The following CACNA1B variants were observed in gnomAD, a reference collection of about 807,000 sequenced individuals.
CACNA1B encodes voltage-dependent N-type calcium channel subunit alpha-1B.
A neutral mutation model predicts 247.2 loss-of-function variants in CACNA1B; 70 were observed. The observed-to-expected ratio is 0.28, with a 90% CI of 0.23 to 0.35. CACNA1B has a LOEUF of 0.35. Ranked by LOEUF, CACNA1B falls within the 10% of genes least tolerant of loss-of-function variation. CACNA1B has a pLI of 1.00. For missense variants in CACNA1B, 2,367 were observed against 3,197.4 expected, an observed-to-expected ratio of 0.74 and a Z score of 6.26; for synonymous variants, 1,231 against 1,294.4, an observed-to-expected ratio of 0.95 and a Z score of 1.05.
intron 31 of CACNA1B, chr9:138,068,741 T>C (rs879883488): frequency 1.8e-5 from 8 of 449,500 alleles, no homozygotes; most frequent in Non-Finnish European, 3.1e-5. Flanking sequence ...AACTGCTGAC[T>C]GCTGAGAGGG....
chr9:138,097,465 C>G (rs1658398544), intron 37 of CACNA1B, among the ~76,000 whole-genome samples: 1 of 152,210 alleles, frequency 6.6e-6, no homozygotes, highest in African/African-American at 2.4e-5. Flanking sequence ...CCTTCCATCA[C>G]TCGTTCCTCA....
intron 15 of CACNA1B, among the ~76,000 whole-genome samples, chr9:137,992,479 A>G (rs1958442723): frequency 6.6e-6 from 1 of 152,224 alleles, no homozygotes; most frequent in Non-Finnish European, 1.5e-5. Context: ...AGACGGCAAC[A>G]CAGTAATAGC....
At position 137,888,679 on chromosome 9, in the gene CACNA1B, G is replaced by A. The variant is rs1957052381; in HGVS notation, c.530+5796G>A. Among the ~76,000 whole-genome samples the A allele has an allele frequency of 2.0e-5, 3 of 152,220 alleles. No individual in the cohort carries two copies. Among genetic ancestry groups the A allele is most frequent in the Admixed American group, 6.5e-5 (1 of 15,292 alleles). On this transcript the variant is annotated intron_variant, in intron 3 of 46. Coordinates refer to ENST00000371372, the MANE Select transcript of CACNA1B (RefSeq NM_000718.4). This position sits in a 1 kb window ranked among gnomAD's most constrained non-coding sequence, Gnocchi z 4.7. The stretch of plus-strand genomic sequence containing the variant: ...GCCTCCTGTGGGTTGAAGAGAGGGT[G>A]TGTGGGTGTGTGGCCGCTGCACCAG...
At chr9:137,940,295 T>A (rs955838949) in intron 6 of CACNA1B, among the ~76,000 whole-genome samples, 1 of 152,166 alleles carries the variant, frequency 6.6e-6, no homozygotes, top group Non-Finnish European at 1.5e-5. Flanking sequence ...TGAACACCTT[T>A]ACCCATGTAA....
chr9:137,892,524 C>T (rs934496666), intron 3 of CACNA1B: 6 of 371,778 alleles, frequency 1.6e-5, no homozygotes, highest in South Asian at 1.2e-4. Flanking sequence ...GGTCCTTTCT[C>T]ACGCTTCTCT....
intron 12 of CACNA1B, among the ~76,000 whole-genome samples, chr9:137,977,790 G>A (rs577426888): frequency 1.4e-4 from 22 of 152,142 alleles, no homozygotes; most frequent in Admixed American, 4.6e-4. Flanking sequence ...AAGCCCTCCC[G>A]TAAGGAGCAA....
At chr9:138,103,775 G>C (rs1961333495) in intron 38 of CACNA1B, among the ~76,000 whole-genome samples, 1 of 152,248 alleles carries the variant, frequency 6.6e-6, no homozygotes, top group Admixed American at 6.5e-5. Context: ...TCCTGAGTCT[G>C]TCTGAGGAAG....
chr9:138,102,016 TC>T lies in CACNA1B; in HGVS notation c.5223-689del, dbSNP rs753805898. On this transcript the variant is annotated intron_variant, in intron 37 of 46. Transcript: ENST00000371372. This position sits in a 1 kb window ranked among gnomAD's most constrained non-coding sequence, Gnocchi z 5.4. ...CCCCAGGCCATGTCCTGCCAGCTCC[TC>T]CCCCCTCCCGCAGTCTCCCATTTCC... Among the ~76,000 whole-genome samples, 1 of 151,934 alleles carries T rather than the reference TC, an allele frequency of 6.6e-6. No individual in the cohort carries two copies. Among genetic ancestry groups the T allele is most frequent in the Non-Finnish European group, 1.5e-5 (1 of 67,966 alleles).
intron 15 of CACNA1B, among the ~76,000 whole-genome samples, chr9:138,002,978 T>C (rs1018140770): frequency 6.6e-6 from 1 of 151,642 alleles, no homozygotes; most frequent in Non-Finnish European, 1.5e-5. Context: ...TTTTTGTATT[T>C]TTAGTAGACA....
rs546807850 is a variant in CACNA1B, at chr9:138,020,719, G to A, written c.2268-2292G>A. Among the ~76,000 whole-genome samples the A allele has an allele frequency of 6.6e-6, 1 of 152,208 alleles. No homozygotes were observed. Among genetic ancestry groups the A allele is most frequent in the Non-Finnish European group, 1.5e-5 (1 of 68,026 alleles). On this transcript the variant is annotated intron_variant, in intron 18 of 46. Transcript: ENST00000371372. The surrounding 1 kb of genome is among the most constrained non-coding windows in gnomAD (Gnocchi z 4.1). ...GCTGCTCAGCATGTTGCTCTGCCTG[G>A]GTGGTCACGGGGGAGCCTGCCAGCC...
intron 16 of CACNA1B, among the ~76,000 whole-genome samples, chr9:138,009,459 G>A (rs984983373): frequency 6.6e-6 from 1 of 152,240 alleles, no homozygotes; most frequent in Non-Finnish European, 1.5e-5. Flanking sequence ...GTGGGCCTAG[G>A]ACTTGGGGCC....
chr9:137,998,427 TG>T (rs1958525058), intron 15 of CACNA1B, among the ~76,000 whole-genome samples: 1 of 152,086 alleles, frequency 6.6e-6, no homozygotes, highest in Admixed American at 6.5e-5. Context: ...CTGGCCTACA[TG>T]GTGAAACCCC....
intron 3 of CACNA1B, among the ~76,000 whole-genome samples, chr9:137,885,271 C>T (rs1386216693): frequency 3.3e-5 from 5 of 151,974 alleles, no homozygotes; most frequent in Non-Finnish European, 5.9e-5. Flanking sequence ...GGGAGGGAGC[C>T]GCTTTGCTGC....
chr9:138,010,086 C>T lies in CACNA1B; in HGVS notation c.2160+9C>T, dbSNP rs200633911. 5.1e-5 allele frequency: 82 copies of T among 1,609,912 alleles called. No individual in the cohort carries two copies. In the East Asian group the frequency reaches 9.4e-4, roughly 18 times the overall value. On this transcript the variant is annotated intron_variant, in intron 17 of 46. Coordinates refer to ENST00000371372, the MANE Select transcript of CACNA1B (RefSeq NM_000718.4). This position sits in a 1 kb window ranked among gnomAD's most constrained non-coding sequence, Gnocchi z 5.3. ...CCCAAGAGCTGACCAAGGTAGGTGG[C>T]GACAGGGAGGGACCGGTGTCAGCCC...
In CACNA1B at chr9:138,047,101, C is replaced by G. The variant is rs1316058037; in HGVS notation, c.3543+68C>G. The G allele has an allele frequency of 2.7e-6, 4 of 1,474,504 alleles. No individual in the cohort carries two copies. The African/African-American group carries it at 5.6e-5, about 21-fold the overall frequency. 91.3% of individuals were successfully genotyped at this position (1,474,504 alleles called of 1,614,324 possible). A position where few individuals can be genotyped will look rare whatever the true frequency, so the allele number is the denominator to read the frequency against. On this transcript the variant is annotated intron_variant, in intron 22 of 46. Transcript: ENST00000371372. ...GGGAGCTGGGTGCCTTCCCAGGGGCCCAAGGGGCTGGGGTGGGGCTGAGGT... is the reference window on the plus strand; with the variant it reads ...GGGAGCTGGGTGCCTTCCCAGGGGCGCAAGGGGCTGGGGTGGGGCTGAGGT...
chr9:137,967,814 A>G (rs1490046063), intron 10 of CACNA1B, among the ~76,000 whole-genome samples: 1 of 151,996 alleles, frequency 6.6e-6, no homozygotes, highest in African/African-American at 2.4e-5. Context: ...TCTGGCGCGG[A>G]GTGCTTCCCT....
At position 138,120,202 on chromosome 9, in the gene CACNA1B, C is replaced by T; in HGVS notation, c.6068C>T (p.Ser2023Phe). 1 of 1,608,298 alleles carries T rather than the reference C, an allele frequency of 6.2e-7. No individual in the cohort carries two copies. Among genetic ancestry groups the T allele is most frequent in the Non-Finnish European group, 8.5e-7 (1 of 1,178,142 alleles). The change falls in exon 45 of 47, where the codon TCC becomes TTC. Residue 2023 changes from serine to phenylalanine, a missense_variant. Ser to Phe is a radical substitution (Grantham distance 155, BLOSUM62 -2). Around this residue, in one of 12 missense-constraint regions of CACNA1B, gnomAD observed 773 missense variants for 779.4 expected, o/e 0.99. Coordinates refer to ENST00000371372, the MANE Select transcript of CACNA1B (RefSeq NM_000718.4). ...GCCAGCCCCATGAAGCGCTCCATCTCCACGCTGGCCCAGCGGCCCCGTGGG... is the reference window on the plus strand; with the variant it reads ...GCCAGCCCCATGAAGCGCTCCATCTTCACGCTGGCCCAGCGGCCCCGTGGG... ...TDASPMKRSI[S>F]TLAQRPRGTH...
intron 6 of CACNA1B, among the ~76,000 whole-genome samples, chr9:137,947,213 A>C (rs1957806816): frequency 6.6e-6 from 1 of 152,198 alleles, no homozygotes; most frequent in African/African-American, 2.4e-5. Flanking sequence ...TATGCTAATG[A>C]AGACTTGGCC....
At position 138,043,469 on chromosome 9, in the gene CACNA1B, G is replaced by T. The variant is rs113598022; in HGVS notation, c.3287-305G>T. On this transcript the variant is annotated intron_variant, in intron 20 of 46. Transcript: ENST00000371372. ...CTCACCAGGCTCTGGGCTTCTCAGC[G>T]CATCGAGGCCCCTCAGCGCGGCAGA... Among the ~76,000 whole-genome samples the T allele has an allele frequency of 4.0e-3, 607 of 152,264 alleles. 3 individuals are homozygous for T. The highest frequency in any genetic ancestry group is 9.2e-3 in the African/African-American group (384 of 41,554).
Sources: gnomAD v4.1 joint callset for allele counts (sites outside exome capture counted in the v4.1 genomes callset) on GRCh38, gnomAD v4.1.1 for gene constraint, gnomAD v4.1.1 regional missense constraint, Gnocchi (gnomAD v3.1) non-coding constraint, MANE v1.5 for transcripts, NCBI Gene and HGNC (gene_info 2026-07-23, HGNC 2026-07-21) for gene names.